Variants in ANKFN1 observed in about 807,000 individuals in gnomAD.
ANKFN1 encodes the protein ankyrin repeat and fibronectin type-III domain-containing protein 1.
A neutral mutation model predicts 108.7 loss-of-function variants in ANKFN1; 74 were observed. The ratio of observed to expected loss-of-function variants is 0.68; its 90% CI spans 0.56 to 0.83. The LOEUF (loss-of-function observed/expected upper bound fraction) is 0.83, where lower values mean the gene tolerates loss of function less well. ANKFN1 is among the 40% of genes least tolerant of loss of function. The pLI is 0.00. For missense variants in ANKFN1, 1,505 were observed against 1,382.3 expected, an observed-to-expected ratio of 1.09 and a Z score of -1.41; for synonymous variants, 547 against 516.2, an observed-to-expected ratio of 1.06 and a Z score of -0.81.
intron 3 of ANKFN1, among the ~76,000 whole-genome samples, chr17:56,322,450 G>A (rs1342037004): frequency 6.6e-6 from 1 of 152,130 alleles, no homozygotes; most frequent in Non-Finnish European, 1.5e-5. Flanking sequence ...AACTGTTCTG[G>A]CATTCTCCTG....
At chr17:56,413,439 G>A (rs1336010400) in intron 8 of ANKFN1, among the ~76,000 whole-genome samples, 1 of 152,082 alleles carries the variant, frequency 6.6e-6, no homozygotes. Context: ...TGATTGCCCT[G>A]GCCAGGATTT....
chr17:56,318,135 T>G (rs530719517), intron 3 of ANKFN1, among the ~76,000 whole-genome samples: 2 of 152,322 alleles, frequency 1.3e-5, no homozygotes, highest in South Asian at 4.1e-4. Context: ...ATTTTATTTT[T>G]ATTTTTTGGC....
intron 1 of ANKFN1, among the ~76,000 whole-genome samples, chr17:56,171,749 A>G (rs558891564): frequency 6.6e-6 from 1 of 152,340 alleles, no homozygotes; most frequent in South Asian, 2.1e-4. Flanking sequence ...ACACAGACCC[A>G]TTAAAACTGT....
chr17:56,152,282 G>T (rs1255473119), upstream of ANKFN1, among the ~76,000 whole-genome samples: 1 of 151,466 alleles, frequency 6.6e-6, no homozygotes, highest in Non-Finnish European at 1.5e-5. Flanking sequence ...GTGTGTGTGT[G>T]TGTGTGTGTG....
intron 3 of ANKFN1, among the ~76,000 whole-genome samples, chr17:56,323,000 T>A (rs545609413): frequency 6.6e-6 from 1 of 152,206 alleles, no homozygotes; most frequent in East Asian, 1.9e-4. Context: ...TTACTAGGGC[T>A]GGAGGTGTAG....
intron 8 of ANKFN1, among the ~76,000 whole-genome samples, chr17:56,379,769 T>C (rs8065259): frequency 0.99 from 150,881 of 152,312 alleles, 74,736 homozygotes; most frequent in East Asian, 1. Flanking sequence ...ATGTTACAAT[T>C]CTTATATGTA....
At chr17:56,498,177 A>G (rs1258560307) in intron 19 of ANKFN1, among the ~76,000 whole-genome samples, 1 of 152,152 alleles carries the variant, frequency 6.6e-6, no homozygotes, top group Non-Finnish European at 1.5e-5. Flanking sequence ...TTAAACTGTT[A>G]AGGCCGTTTT....
Position 56,221,417 on chromosome 17 carries a change from C to T in ANKFN1, c.13-6500C>T, listed in dbSNP as rs1037053491. Among the ~76,000 whole-genome samples the T allele has an allele frequency of 1.6e-4, 25 of 151,952 alleles. 1 individual carries two copies. Among genetic ancestry groups the T allele is most frequent in the Admixed American group, 3.9e-4 (6 of 15,260 alleles). Reference sequence around the variant, plus strand: ...GGGCCTGAAGTAGATGAAAGGTGACCAAATTATGAAAATTTATAAGGAAAA... The same window carrying T: ...GGGCCTGAAGTAGATGAAAGGTGACTAAATTATGAAAATTTATAAGGAAAA... On this transcript the variant is annotated intron_variant, in intron 2 of 20. Coordinates refer to ENST00000682825, the MANE Select transcript of ANKFN1 (RefSeq NM_001370326.1).
chr17:56,252,969 G>T (rs1324957850), intron 3 of ANKFN1, among the ~76,000 whole-genome samples: 1 of 152,148 alleles, frequency 6.6e-6, no homozygotes, highest in East Asian at 1.9e-4. Context: ...GGGTGAGGTG[G>T]GGGGATTGCT....
intron 10 of ANKFN1, among the ~76,000 whole-genome samples, chr17:56,448,377 G>T (rs138505923): frequency 3.9e-5 from 6 of 152,022 alleles, no homozygotes; most frequent in Non-Finnish European, 8.8e-5. Flanking sequence ...ATAGCTAAAC[G>T]GAATGAAAAT....
chr17:56,090,014 G>A (rs1905382914), intron 4 of ANKFN1, among the ~76,000 whole-genome samples: 1 of 151,462 alleles, frequency 6.6e-6, no homozygotes, highest in African/African-American at 2.4e-5. Flanking sequence ...AAAGCGGAAG[G>A]ATATCAGGGA....
chr17:56,381,902 C>G (rs11079227), intron 8 of ANKFN1, among the ~76,000 whole-genome samples: 84,878 of 151,770 alleles, frequency 0.56, 27,949 homozygotes, highest in East Asian at 0.96. Flanking sequence ...TCTAGCAAGG[C>G]AGGCCAACAT....
chr17:56,366,457 G>T (rs1352903114), intron 6 of ANKFN1, among the ~76,000 whole-genome samples: 2 of 152,142 alleles, frequency 1.3e-5, no homozygotes, highest in Non-Finnish European at 2.9e-5. Flanking sequence ...GAAGTCTGCA[G>T]CAGTGTCAGT....
intron 4 of ANKFN1, among the ~76,000 whole-genome samples, chr17:56,340,843 T>C (rs1268529856): frequency 2.0e-5 from 3 of 152,096 alleles, no homozygotes; most frequent in Non-Finnish European, 2.9e-5. Context: ...CTGTGAAGAA[T>C]GTGAATGGTA....
intron 8 of ANKFN1, among the ~76,000 whole-genome samples, chr17:56,381,176 AG>A (rs2047092329): frequency 1.3e-5 from 2 of 152,328 alleles, no homozygotes; most frequent in African/African-American, 4.8e-5. Context: ...CCAGGCAGAC[AG>A]GGTCTGGAGT....
chr17:56,290,038 C>A (rs574622128), intron 3 of ANKFN1, among the ~76,000 whole-genome samples: 3 of 152,324 alleles, frequency 2.0e-5, no homozygotes, highest in Non-Finnish European at 2.9e-5. Context: ...GGGATGCAAA[C>A]TCCCAGATCA....
At chr17:56,080,537 C>T (rs1905233407) in intron 4 of ANKFN1, among the ~76,000 whole-genome samples, 1 of 152,200 alleles carries the variant, frequency 6.6e-6, no homozygotes, top group African/African-American at 2.4e-5. Flanking sequence ...TGTTGCTAAG[C>T]TTTTCTGTGT....
intron 1 of ANKFN1, among the ~76,000 whole-genome samples, chr17:56,211,954 T>C (rs775283374): frequency 1.4e-4 from 22 of 152,208 alleles, no homozygotes; most frequent in Non-Finnish European, 2.8e-4. Context: ...TAATTTTGTA[T>C]CCTGAAACTT....
chr17:56,046,470 G>C (rs909500964), intron 4 of ANKFN1: 1 of 152,228 alleles, frequency 6.6e-6, no homozygotes, highest in Non-Finnish European at 1.5e-5. Flanking sequence ...TCCAAAGGAG[G>C]TACAGGAGTG....
Sources: gnomAD v4.1 joint callset for allele counts (sites outside exome capture counted in the v4.1 genomes callset) on GRCh38, gnomAD v4.1.1 for gene constraint, MANE v1.5 for transcripts, NCBI Gene and HGNC (gene_info 2026-07-23, HGNC 2026-07-21) for gene names.